Variants in MICU1 observed in about 807,000 individuals in gnomAD.
MICU1 encodes calcium uptake protein 1, mitochondrial.
MICU1 carries 45 observed loss-of-function variants against 56.8 expected under a neutral mutation model. The ratio of observed to expected loss-of-function variants is 0.79; its 90% CI spans 0.62 to 1.02. The LOEUF is 1.02. Among genes scored for constraint, MICU1 ranks in the 50% least tolerant of loss-of-function variants. The pLI is 0.00. For missense variants in MICU1, 504 were observed against 587.1 expected (o/e 0.86, Z 1.46); for synonymous variants, 186 against 195.1 (o/e 0.95, Z 0.39).
chr10:72,374,293 T>C (rs1486907627), intron 11 of MICU1, among the ~76,000 whole-genome samples: 1 of 152,100 alleles, frequency 6.6e-6, no homozygotes, highest in Non-Finnish European at 1.5e-5. Context: ...CCTGGCTAAT[T>C]TTTAAAATTT....
chr10:72,462,943 C>A (rs1865681953), intron 8 of MICU1, among the ~76,000 whole-genome samples: 1 of 152,112 alleles, frequency 6.6e-6, no homozygotes, highest in Non-Finnish European at 1.5e-5. Context: ...TTAAAGATAT[C>A]TGATAACAGG....
At chr10:72,514,642 T>A (rs1867590649) in intron 5 of MICU1, among the ~76,000 whole-genome samples, 1 of 152,064 alleles carries the variant, frequency 6.6e-6, no homozygotes, top group South Asian at 2.1e-4. Context: ...GCGAAAGGGG[T>A]AAAAATACTC....
At chr10:72,592,457 A>G (rs1002067137) in intron 1 of MICU1, among the ~76,000 whole-genome samples, 24 of 152,240 alleles carry the variant, frequency 1.6e-4, no homozygotes, top group African/African-American at 5.5e-4. Flanking sequence ...GAAGAAGAGG[A>G]AACACTTCCT....
rs908377281 is a variant in MICU1, at chr10:72,436,271, G to A, written c.934-12900C>T. On this transcript the variant is annotated intron_variant, in intron 8 of 11. Coordinates refer to ENST00000361114, the MANE Select transcript of MICU1 (RefSeq NM_001195518.2). ...TCCACTGGTGATACCCAGGCAAACAGGGTCTGGAGTGGACCTCCAGCCAAC... is the reference window on the plus strand; with the variant it reads ...TCCACTGGTGATACCCAGGCAAACAAGGTCTGGAGTGGACCTCCAGCCAAC... Among the ~76,000 whole-genome samples the A allele has an allele frequency of 2.0e-5, 3 of 152,196 alleles. No homozygotes were observed. The East Asian group carries it at 5.8e-4, about 29-fold the overall frequency.
Position 72,476,690 on chromosome 10 carries a change from C to T in MICU1, c.735+484G>A, listed in dbSNP as rs572299609. Reference sequence around the variant, plus strand: ...ATCATAATAACTGTATCTGGAGAAGCACCATGGTTCTCCAATGGCAGTAGT... The same window carrying T: ...ATCATAATAACTGTATCTGGAGAAGTACCATGGTTCTCCAATGGCAGTAGT... On this transcript the variant is annotated intron_variant, in intron 7 of 11. Coordinates refer to ENST00000361114, the MANE Select transcript of MICU1 (RefSeq NM_001195518.2). 4.5e-4 allele frequency among the ~76,000 whole-genome samples: 69 copies of T among 152,320 alleles called. No individual in the cohort carries two copies. The South Asian group carries it at 0.013, about 28-fold the overall frequency.
intron 6 of MICU1, among the ~76,000 whole-genome samples, chr10:72,498,027 A>G (rs1264954632): frequency 2.0e-5 from 3 of 152,210 alleles, no homozygotes; most frequent in African/African-American, 7.2e-5. Flanking sequence ...AAGGACTTTC[A>G]TGTAAATATT....
intron 6 of MICU1, among the ~76,000 whole-genome samples, chr10:72,488,067 A>G (rs1436320864): frequency 6.6e-6 from 1 of 151,826 alleles, no homozygotes; most frequent in East Asian, 1.9e-4. Flanking sequence ...GTGGTGGCAC[A>G]TGCCTGTAAT....
intron 8 of MICU1, among the ~76,000 whole-genome samples, chr10:72,462,576 G>T (rs1306679620): frequency 6.6e-6 from 1 of 152,154 alleles, no homozygotes; most frequent in African/African-American, 2.4e-5. Context: ...GTTGTAGCTA[G>T]AAGTGTATAT....
intron 11 of MICU1, among the ~76,000 whole-genome samples, chr10:72,370,539 AC>A (rs1862298211): frequency 6.6e-6 from 1 of 152,162 alleles, no homozygotes; most frequent in Non-Finnish European, 1.5e-5. Context: ...AAACAAAAAA[AC>A]ACTTGGCTTA....
At chr10:72,420,067 CTTTT>C (rs959626559) in intron 9 of MICU1, among the ~76,000 whole-genome samples, 1 of 151,716 alleles carries the variant, frequency 6.6e-6, no homozygotes, top group African/African-American at 2.4e-5. Context: ...GTGTCTTTTC[CTTTT>C]TTTTTAAGAC....
chr10:72,572,221 T>C (rs1840629231), intron 1 of MICU1, among the ~76,000 whole-genome samples: 1 of 152,152 alleles, frequency 6.6e-6, no homozygotes, highest in South Asian at 2.1e-4. Flanking sequence ...ATATCTTTGG[T>C]AGAAAACACT....
At chr10:72,506,794 T>C (rs780039445) in intron 6 of MICU1, among the ~76,000 whole-genome samples, 1 of 152,204 alleles carries the variant, frequency 6.6e-6, no homozygotes, top group Non-Finnish European at 1.5e-5. Context: ...GGGGCTGGGA[T>C]CTGAACTAGA....
chr10:72,523,693 G>A (rs927402885), intron 5 of MICU1: 1 of 669,506 alleles, frequency 1.5e-6, no homozygotes, highest in Admixed American at 4.1e-5. Context: ...ATATTTTTAA[G>A]ACTGCCAGCC....
chr10:72,613,269 A>T (rs1209948575), intron 1 of MICU1, among the ~76,000 whole-genome samples: 2 of 129,368 alleles, frequency 1.5e-5, no homozygotes, highest in African/African-American at 3.0e-5. Flanking sequence ...TTTACCCCTA[A>T]TTTTTTTTTT....
At chr10:72,417,453 C>CAAAAAAAAAAAAAAAAAA (rs869171199) in intron 9 of MICU1, among the ~76,000 whole-genome samples, 1 of 66,468 alleles carries the variant, frequency 1.5e-5, no homozygotes, top group Non-Finnish European at 3.0e-5. Flanking sequence ...GACTCCGTCT[C>CAAAAAAAAAAAAAAAAAA]AAAAAAAAAA....
rs1231227018 is a variant in MICU1, at chr10:72,569,233, A to ATTTTTTT, written c.-1-2440_-1-2439insAAAAAAA. 1.7e-3 allele frequency among the ~76,000 whole-genome samples: 68 copies of ATTTTTTT among 40,316 alleles called. 1 individual carries two copies. Among genetic ancestry groups the ATTTTTTT allele is most frequent in the South Asian group, 4.2e-3 (4 of 960 alleles). The allele number at this position is 40,316 out of a possible 152,430, so 26.4% of individuals were successfully genotyped here. A position where few individuals can be genotyped will look rare whatever the true frequency, so the allele number is the denominator to read the frequency against. ...TATATATATATATATATATATATAT[A>ATTTTTTT]TATATTTTTTTTTTTTTTTGAGATG... is the stretch of plus-strand genomic sequence containing the variant. On this transcript the variant is annotated intron_variant, in intron 1 of 11. Transcript: ENST00000361114.
intron 4 of MICU1, among the ~76,000 whole-genome samples, chr10:72,544,119 T>TCTGTA (rs1839841453): frequency 6.6e-6 from 1 of 151,544 alleles, no homozygotes; most frequent in African/African-American, 2.4e-5. Flanking sequence ...CCTGTCCTGT[T>TCTGTA]CTGTTCTGTT....
At chr10:72,506,450 TC>T (rs1012200515) in intron 6 of MICU1, among the ~76,000 whole-genome samples, 4 of 152,350 alleles carry the variant, frequency 2.6e-5, no homozygotes, top group African/African-American at 9.6e-5. Context: ...TTCTGCTACA[TC>T]ATGGCTATTT....
At chr10:72,428,155 C>T (rs1290564042) in intron 8 of MICU1, among the ~76,000 whole-genome samples, 1 of 152,118 alleles carries the variant, frequency 6.6e-6, no homozygotes, top group Non-Finnish European at 1.5e-5. Flanking sequence ...TTTTGAGTAG[C>T]TGGCAAACTG....
Sources: allele counts gnomAD v4.1 joint callset (sites outside exome capture counted in the v4.1 genomes callset), GRCh38; gene constraint gnomAD v4.1.1; transcripts MANE v1.5; gene names NCBI Gene and HGNC (gene_info 2026-07-23, HGNC 2026-07-21).